Variants in PLEK2 observed in about 807,000 individuals in gnomAD.
PLEK2 encodes pleckstrin 2.
Under a neutral mutation model 43.8 loss-of-function variants are expected in PLEK2, and 29 were observed. The ratio of observed to expected loss-of-function variants is 0.66; its 90% confidence interval spans 0.49 to 0.90. The LOEUF (loss-of-function observed/expected upper bound fraction) is 0.90. Ranked by LOEUF, PLEK2 falls within the 40% of genes least tolerant of loss-of-function variation. The pLI is 0.00. For missense variants in PLEK2, 398 were observed against 448.1 expected (o/e 0.89, Z 1.01); for synonymous variants, 162 against 173.2 (o/e 0.94, Z 0.51).
rs758235796 is a variant in PLEK2 at position 67,392,810 on chromosome 14, G to A, written c.521C>T (p.Thr174Met). 2.2e-5 allele frequency: 36 copies of A among 1,613,478 alleles called. No individual in the cohort carries two copies. The highest frequency in any genetic ancestry group is 1.2e-4 in the South Asian group (11 of 91,014). The change falls in exon 5 of 9, where the codon ACG becomes ATG. Residue 174 changes from threonine to methionine, a missense_variant. Coordinates refer to ENST00000216446, the MANE Select transcript of PLEK2 (RefSeq NM_016445.3). ...GGTCACCGCCTCCAGACGGCTGGCC[G>A]TGAAGCTGTTGGAGATGAGCCAGTC... is the stretch of plus-strand genomic sequence containing the variant. ...LVDWLISNSFTASRLEAVTLA... is the reference protein window; with the variant it reads ...LVDWLISNSFMASRLEAVTLA...
At chr14:67,397,242 A>G (rs1158124557) in intron 2 of PLEK2, among the ~76,000 whole-genome samples, 2 of 152,106 alleles carry the variant, frequency 1.3e-5, no homozygotes, top group Non-Finnish European at 2.9e-5. Flanking sequence ...CCCAGCCTAG[A>G]CTTTTTTAAT....
At chr14:67,406,067 T>C (rs1248683748) in intron 1 of PLEK2, among the ~76,000 whole-genome samples, 42 of 152,032 alleles carry the variant, frequency 2.8e-4, no homozygotes, top group Admixed American at 2.8e-3. Context: ...GAGACCAGCC[T>C]GGCCAAAAAG....
chr14:67,395,259 G>T, intron 3 of PLEK2, 143 bp downstream of exon 3: 1 of 666,334 alleles, frequency 1.5e-6, no homozygotes, highest in Non-Finnish European at 2.6e-6. Flanking sequence ...CACAGGACAG[G>T]AACAGCTGAA....
intron 1 of PLEK2, among the ~76,000 whole-genome samples, chr14:67,410,935 C>T (rs532916366): frequency 2.0e-5 from 3 of 152,144 alleles, no homozygotes; most frequent in South Asian, 4.1e-4. Flanking sequence ...GACTTAAACC[C>T]GGGAGTTCAA....
chr14:67,399,341 G>C (rs1216049492), intron 1 of PLEK2, among the ~76,000 whole-genome samples: 1 of 151,220 alleles, frequency 6.6e-6, no homozygotes, highest in African/African-American at 2.4e-5. Context: ...CAGGAATAAA[G>C]AGAAGGGTAG....
chr14:67,400,525 A>G (rs1462991292), intron 1 of PLEK2, among the ~76,000 whole-genome samples: 2 of 152,138 alleles, frequency 1.3e-5, no homozygotes, highest in African/African-American at 2.4e-5. Flanking sequence ...CCCCGCCCCA[A>G]CTGCAGGGGT....
At chr14:67,390,159 A>G (rs1248531127) in intron 7 of PLEK2, among the ~76,000 whole-genome samples, 1 of 152,248 alleles carries the variant, frequency 6.6e-6, no homozygotes, top group Non-Finnish European at 1.5e-5. Context: ...AGAAACATAA[A>G]AATGATTTTT....
At chr14:67,392,243 C>A (rs987242687) in intron 6 of PLEK2, 83 bp downstream of exon 6, 5 of 940,784 alleles carry the variant, frequency 5.3e-6, no homozygotes, top group Non-Finnish European at 8.8e-6. Context: ...GCAGCCTCAG[C>A]CCTTCCCTTC....
At chr14:67,392,298 C>T in intron 6 of PLEK2, 28 bp downstream of exon 6, 4 of 1,404,782 alleles carry the variant, frequency 2.8e-6, no homozygotes, top group Non-Finnish European at 4.0e-6. Flanking sequence ...AACTGTCCAT[C>T]TCTCTTCCCT....
At position 67,412,136 on chromosome 14, in the gene PLEK2, C is replaced by A. The variant is rs999549258; in HGVS notation, c.-77G>T. On this transcript the variant is annotated 5_prime_UTR_variant, in exon 1 of 9. Coordinates refer to ENST00000216446, the MANE Select transcript of PLEK2 (RefSeq NM_016445.3). ...CGCTCCTCGGCACCCGCGCAGCCCG[C>A]GCAGTCCGCGCCCACGGCGCCCAGG... 5.5e-6 allele frequency: 7 copies of A among 1,283,908 alleles called. No individual in the cohort carries two copies. The highest frequency in any genetic ancestry group is 7.6e-5 in the Admixed American group (2 of 26,198). The allele number at this position is 1,283,908 out of a possible 1,614,324, so 79.5% of individuals were successfully genotyped here.
At chr14:67,393,818 G>T (rs1382170534) in intron 3 of PLEK2, among the ~76,000 whole-genome samples, 1 of 152,242 alleles carries the variant, frequency 6.6e-6, no homozygotes, top group East Asian at 1.9e-4. Context: ...CCCTCATAAA[G>T]ATGTTTATCT....
chr14:67,390,570 C>T, intron 7 of PLEK2, 93 bp downstream of exon 7: 1 of 884,756 alleles, frequency 1.1e-6, no homozygotes, highest in East Asian at 2.4e-5. Context: ...CAGGGGAAGG[C>T]AGGATATCCA....
chr14:67,411,719 C>T (rs72719140), intron 1 of PLEK2, among the ~76,000 whole-genome samples: 2,385 of 152,308 alleles, frequency 0.016, 25 homozygotes, highest in Middle Eastern at 0.034. Context: ...TCATACCATT[C>T]ATAATATTTT....
intron 1 of PLEK2, among the ~76,000 whole-genome samples, chr14:67,411,483 G>A (rs1030895298): frequency 1.3e-5 from 2 of 152,260 alleles, no homozygotes; most frequent in Non-Finnish European, 2.9e-5. Context: ...GTCTGATCCC[G>A]ATCCTGGCTC....
Position 67,392,405 on chromosome 14 carries a change from A to G in PLEK2, c.692T>C (p.Ile231Thr). 1 of 1,613,664 alleles carries G rather than the reference A, an allele frequency of 6.2e-7. No homozygotes were observed. Among genetic ancestry groups the G allele is most frequent in the Non-Finnish European group, 8.5e-7 (1 of 1,179,618 alleles). ...CAGGCTAATTTCTTCCTTGGGGCTTATCTTCTTTTTGTAGCTCTCAGCCTA... is the reference window on the plus strand; with the variant it reads ...CAGGCTAATTTCTTCCTTGGGGCTTGTCTTCTTTTTGTAGCTCTCAGCCTA... The part of the protein sequence containing the change: ...YTFAESYKKK[I>T]SPKEEISLST... Residue 231 changes from isoleucine (I) to threonine (T), a missense_variant, in exon 6 of 9, where the codon ATA becomes ACA. Ile to Thr is a moderately conservative substitution (Grantham distance 89). Coordinates refer to ENST00000216446, the MANE Select transcript of PLEK2 (RefSeq NM_016445.3).
chr14:67,411,408 G>T (rs8013280), intron 1 of PLEK2, among the ~76,000 whole-genome samples: 22,363 of 151,964 alleles, frequency 0.15, 3,477 homozygotes, highest in African/African-American at 0.39. Context: ...CTGTAATAGA[G>T]TGATGTCAGT....
intron 1 of PLEK2, among the ~76,000 whole-genome samples, chr14:67,411,682 ATTATC>A (rs1210129306): frequency 1.3e-5 from 2 of 152,208 alleles, no homozygotes; most frequent in African/African-American, 4.8e-5. Flanking sequence ...GCACGCCTAT[ATTATC>A]TTAGTAAATA....
intron 1 of PLEK2, among the ~76,000 whole-genome samples, chr14:67,403,319 T>A (rs1365047063): frequency 6.6e-6 from 1 of 152,224 alleles, no homozygotes; most frequent in Non-Finnish European, 1.5e-5. Flanking sequence ...GCAAGGGCAG[T>A]AGCAAAAGAG....
chr14:67,388,049 G>T (rs961564631), intron 8 of PLEK2, among the ~76,000 whole-genome samples, 175 bp downstream of exon 8: 1 of 152,132 alleles, frequency 6.6e-6, no homozygotes, highest in Non-Finnish European at 1.5e-5. Context: ...TTCTTAAAAC[G>T]CCAAGAACAT....
Sources: allele counts gnomAD v4.1 joint callset (sites outside exome capture counted in the v4.1 genomes callset), GRCh38; gene constraint gnomAD v4.1.1; transcripts MANE v1.5; gene names NCBI Gene and HGNC (gene_info 2026-07-23, HGNC 2026-07-21).